The following HERC2 variants were observed in gnomAD, a reference collection of about 807,000 sequenced individuals.
HERC2 encodes HECT and RLD domain containing E3 ubiquitin protein ligase 2, also known as E3 ubiquitin-protein ligase HERC2.
Under a neutral mutation model 537.7 loss-of-function variants are expected in HERC2, and 102 were observed. That is an observed-to-expected ratio of 0.19 (90% CI 0.16 to 0.22). The LOEUF (loss-of-function observed/expected upper bound fraction) is 0.22, where lower values mean the gene tolerates loss of function less well. Among genes scored for constraint, HERC2 ranks in the 10% least tolerant of loss-of-function variants. HERC2 has a pLI of 1.00. For missense variants in HERC2, 4,236 were observed against 6,198.2 expected (o/e 0.68, Z 10.63); for synonymous variants, 2,224 against 2,466.2 (o/e 0.90, Z 2.91).
At chr15:28,225,762 T>C (rs1901083002) in intron 35 of HERC2, among the ~76,000 whole-genome samples, 1 of 148,678 alleles carries the variant, frequency 6.7e-6, no homozygotes, top group East Asian at 1.9e-4. Context: ...GAAATGTAAG[T>C]GGAGACAGTA....
intron 21 of HERC2, among the ~76,000 whole-genome samples, 195 bp downstream of exon 21, chr15:28,248,356 AC>A (rs1267281451): frequency 2.0e-5 from 3 of 152,220 alleles, no homozygotes; most frequent in Non-Finnish European, 4.4e-5. Context: ...TATTAAGGCA[AC>A]AAAATTAAAA....
At chr15:28,313,448 G>T (rs867629054) in intron 2 of HERC2, among the ~76,000 whole-genome samples, 266 of 152,014 alleles carry the variant, frequency 1.7e-3, no homozygotes, top group African/African-American at 5.8e-3. Flanking sequence ...GATTACAGGC[G>T]GGAGCCACCG....
rs1385390407 is a variant in HERC2 at position 28,259,124 on chromosome 15, C to T, written c.2316+1653G>A. ...TTTTTGTTTTTTTGAGACGGAGTTTCGCTCTTGTTGCCCAAGCTGGAGTGC... is the reference window on the plus strand; with the variant it reads ...TTTTTGTTTTTTTGAGACGGAGTTTTGCTCTTGTTGCCCAAGCTGGAGTGC... On this transcript the variant is annotated intron_variant, in intron 16 of 92. Coordinates refer to ENST00000261609, the MANE Select transcript of HERC2 (RefSeq NM_004667.6). Among the ~76,000 whole-genome samples the T allele has an allele frequency of 2.0e-5, 3 of 152,088 alleles. No individual in the cohort carries two copies. The East Asian group carries it at 5.8e-4, about 29-fold the overall frequency.
chr15:28,154,728 T>C lies in HERC2; in HGVS notation c.10747-1898A>G, dbSNP rs74707290. On this transcript the variant is annotated intron_variant, in intron 69 of 92. Transcript: ENST00000261609. ...ACCCCTACCCTCTCTACTGAGAATG[T>C]GGGGATGTGCATGGCAAATGCTCAG... Among the ~76,000 whole-genome samples, 1,779 of 152,288 alleles carry C rather than the reference T, an allele frequency of 0.012. 251 individuals carry two copies. The East Asian group carries it at 0.31, about 26-fold the overall frequency.
intron 21 of HERC2, 26 bp downstream of exon 21, chr15:28,248,526 A>T: frequency 6.3e-7 from 1 of 1,582,312 alleles, no homozygotes; most frequent in Non-Finnish European, 8.7e-7. Flanking sequence ...CACATACAAG[A>T]CACTTTCACA....
At chr15:28,279,000 C>CT (rs539238815) in intron 5 of HERC2, among the ~76,000 whole-genome samples, 25 of 151,998 alleles carry the variant, frequency 1.6e-4, no homozygotes, top group Non-Finnish European at 3.1e-4. Flanking sequence ...AAAAGCATCT[C>CT]TTTTTTTTGC....
At chr15:28,210,640 C>T (rs185565434) in intron 44 of HERC2, among the ~76,000 whole-genome samples, 246 of 151,626 alleles carry the variant, frequency 1.6e-3, no homozygotes, top group Non-Finnish European at 3.0e-3. Flanking sequence ...ATTTGAAGAA[C>T]CAGCTTAGGT....
intron 14 of HERC2, among the ~76,000 whole-genome samples, chr15:28,264,020 C>CAAAAA (rs34823980): frequency 6.0e-5 from 5 of 83,632 alleles, no homozygotes; most frequent in South Asian, 4.2e-4. Flanking sequence ...CTTTGTCTTA[C>CAAAAA]AAAAAAAAAA....
chr15:28,113,412 C>A lies in HERC2; in HGVS notation c.14020-129G>T, dbSNP rs1348728399. The stretch of plus-strand genomic sequence containing the variant: ...GAAAGGTCTGGGGGCTCTGGGTGGG[C>A]CCACACACAGCCTCCTGCAGGCGGG... On this transcript the variant is annotated intron_variant, in intron 91 of 92. Transcript: ENST00000261609. This position sits in a 1 kb window ranked among gnomAD's most constrained non-coding sequence, Gnocchi z 7.0. 2 of 1,133,674 alleles carry A rather than the reference C, an allele frequency of 1.8e-6. No homozygotes were observed. The highest frequency in any genetic ancestry group is 2.0e-5 in the Admixed American group (1 of 49,900). 70.2% of individuals were successfully genotyped at this position (1,133,674 alleles called of 1,614,324 possible). A position where few individuals can be genotyped will look rare whatever the true frequency, so the allele number is the denominator to read the frequency against.
chr15:28,192,235 G>C, intron 52 of HERC2, 84 bp from the exon 53 acceptor site: 1 of 1,166,110 alleles, frequency 8.6e-7, no homozygotes, highest in Non-Finnish European at 1.2e-6. Context: ...ATAGTAAGGA[G>C]CTTCTTAAAG....
chr15:28,124,956 C>A, intron 84 of HERC2, 50 bp downstream of exon 84: 1 of 1,530,704 alleles, frequency 6.5e-7, no homozygotes, highest in Non-Finnish European at 8.9e-7. Flanking sequence ...CAGCATGTGA[C>A]AGGAGCACAC....
chr15:28,203,521 T>C (rs901946890), intron 45 of HERC2: 3 of 152,086 alleles, frequency 2.0e-5, no homozygotes, highest in Admixed American at 6.5e-5. Flanking sequence ...TGGCTGATAA[T>C]AATCATGAAC....
rs7163444 is a variant in HERC2 at position 28,222,100 on chromosome 15, T to C, written c.5580A>G (p.Gly1860=). 445,535 of 808,054 alleles carry C rather than the reference T, an allele frequency of 0.55. 180,958 individuals are homozygous for C. The highest frequency in any genetic ancestry group is 0.64 in the Non-Finnish European group (301,879 of 473,676). The allele number at this position is 808,054 out of a possible 1,614,324, so 50.1% of individuals were successfully genotyped here. Reference sequence around the variant, plus strand: ...TCTTCATCATGGCAGCCAGTTCTGGTCCTGAAACAGGGAGCTGCACAGGAG... The same window carrying C: ...TCTTCATCATGGCAGCCAGTTCTGGCCCTGAAACAGGGAGCTGCACAGGAG... ...ETAPVQLPVS[G]PELAAMMKIG... is the part of the protein sequence containing the mutation. Residue 1860 remains glycine, a synonymous_variant, in exon 36 of 93, where the codon GGA becomes GGG. Coordinates refer to ENST00000261609, the MANE Select transcript of HERC2 (RefSeq NM_004667.6).
At chr15:28,175,249 AAC>A (rs1277610837) in intron 64 of HERC2, among the ~76,000 whole-genome samples, 6 of 152,228 alleles carry the variant, frequency 3.9e-5, no homozygotes, top group African/African-American at 1.4e-4. Flanking sequence ...CTTCAAGAAT[AAC>A]AGTCTTTCCA....
chr15:28,217,530 C>G (rs1015916086), intron 38 of HERC2, among the ~76,000 whole-genome samples: 1 of 152,192 alleles, frequency 6.6e-6, no homozygotes, highest in Non-Finnish European at 1.5e-5. Context: ...TGTGCTCACT[C>G]GCAGTCACAT....
intron 2 of HERC2, among the ~76,000 whole-genome samples, chr15:28,306,200 T>G (rs1229835550): frequency 1.8e-4 from 27 of 152,370 alleles, no homozygotes; most frequent in African/African-American, 6.5e-4. Flanking sequence ...ATACTAGCTG[T>G]GTGTCAGCTG....
Position 28,272,919 on chromosome 15 carries a change from G to A in HERC2, c.886C>T (p.Leu296=). The change falls in exon 8 of 93, where the codon CTG becomes TTG. Residue 296 remains leucine, a synonymous_variant. Transcript: ENST00000261609. The part of the protein sequence containing the change: ...QHLALAILLE[L]AVQRGTLSQM... ...CTCAGCGTGCCTCTCTGCACAGCCA[G>A]CTCCAGCAGGATGGCCAGGGCCAAG... The A allele has an allele frequency of 1.2e-6, 2 of 1,611,690 alleles. No homozygotes were observed. Among genetic ancestry groups the A allele is most frequent in the Non-Finnish European group, 1.7e-6 (2 of 1,179,942 alleles).
intron 57 of HERC2, 31 bp from the exon 58 acceptor site, chr15:28,179,254 A>AG (rs1566976753): frequency 6.7e-7 from 1 of 1,496,026 alleles, no homozygotes; most frequent in Non-Finnish European, 9.1e-7. Context: ...CAAAAAAAAA[A>AG]GAAAAGAAAA....
At chr15:28,239,890 G>A (rs1286713959) in intron 23 of HERC2, among the ~76,000 whole-genome samples, 1 of 152,164 alleles carries the variant, frequency 6.6e-6, no homozygotes, top group Non-Finnish European at 1.5e-5. Context: ...AAGACTGAAA[G>A]CACATGTCAA....
Sources: allele counts gnomAD v4.1 joint callset (sites outside exome capture counted in the v4.1 genomes callset), GRCh38; gene constraint gnomAD v4.1.1; non-coding constraint Gnocchi (gnomAD v3.1); transcripts MANE v1.5; gene names NCBI Gene and HGNC (gene_info 2026-07-23, HGNC 2026-07-21).